Variants in CRB1 observed in about 807,000 individuals in gnomAD.
The protein encoded by CRB1 is protein crumbs homolog 1.
A neutral mutation model predicts 120.0 loss-of-function variants in CRB1; 83 were observed. That is an observed-to-expected ratio of 0.69 (90% CI 0.58 to 0.83). The LOEUF is 0.83. Among genes scored for constraint, CRB1 ranks in the 40% least tolerant of loss-of-function variants. The pLI is 0.00. For missense variants in CRB1, 1,699 were observed against 1,687.6 expected (o/e 1.01, Z -0.12); for synonymous variants, 625 against 612.5 (o/e 1.02, Z -0.30).
chr1:197,341,027 A>G (rs1473304956), intron 2 of CRB1, among the ~76,000 whole-genome samples: 4 of 152,226 alleles, frequency 2.6e-5, no homozygotes, highest in Admixed American at 2.0e-4. Flanking sequence ...TCCCCCTAAT[A>G]AAACCATCAG....
chr1:197,397,696 A>T (rs1281882021), intron 5 of CRB1, among the ~76,000 whole-genome samples: 1 of 152,204 alleles, frequency 6.6e-6, no homozygotes, highest in Non-Finnish European at 1.5e-5. Flanking sequence ...TCTAAGTGAA[A>T]GTAGCAAGGT....
chr1:197,244,067 T>A, the CRB1 span, among the ~76,000 whole-genome samples: 1 of 152,202 alleles, frequency 6.6e-6, no homozygotes, highest in Non-Finnish European at 1.5e-5. Context: ...CCTGTGTGTG[T>A]CTTTGCACAT....
chr1:197,212,412 T>C, the CRB1 span, among the ~76,000 whole-genome samples: 1 of 152,076 alleles, frequency 6.6e-6, no homozygotes, highest in Non-Finnish European at 1.5e-5. Flanking sequence ...TGTGTGTTTG[T>C]ATAATAAAAT....
the CRB1 span, among the ~76,000 whole-genome samples, chr1:197,239,202 G>A: frequency 6.6e-6 from 1 of 152,032 alleles, no homozygotes; most frequent in Non-Finnish European, 1.5e-5. Context: ...GTTAGGTGGA[G>A]TGTTCTATAG....
chr1:197,437,924 GC>G (rs1407526702), intron 9 of CRB1: 1 of 154,744 alleles, frequency 6.5e-6, no homozygotes, highest in East Asian at 1.9e-4. Flanking sequence ...TACTTGTTCC[GC>G]CTTTTATGAG....
intron 5 of CRB1, among the ~76,000 whole-genome samples, chr1:197,419,867 C>T (rs944551754): frequency 1.3e-5 from 2 of 150,332 alleles, no homozygotes; most frequent in East Asian, 2.0e-4. Context: ...CCAAGCTACT[C>T]GGGAGGCTGA....
At chr1:197,237,624 A>T in the CRB1 span, among the ~76,000 whole-genome samples, 1 of 152,160 alleles carries the variant, frequency 6.6e-6, no homozygotes, top group African/African-American at 2.4e-5. Context: ...GAATTGGTCC[A>T]TTTCATTTAA....
intron 4 of CRB1, among the ~76,000 whole-genome samples, chr1:197,355,416 G>A (rs1344173860): frequency 6.6e-6 from 1 of 152,240 alleles, no homozygotes; most frequent in Admixed American, 6.5e-5. Context: ...CCCTTGGGCG[G>A]TTGATGGGAC....
chr1:197,295,400 G>A (rs1328369972), intron 1 of CRB1, among the ~76,000 whole-genome samples: 1 of 151,986 alleles, frequency 6.6e-6, no homozygotes, highest in Non-Finnish European at 1.5e-5. Context: ...GGACAACTGA[G>A]AGCAATGTGG....
the CRB1 span, among the ~76,000 whole-genome samples, chr1:197,241,347 G>A: frequency 6.6e-6 from 1 of 152,160 alleles, no homozygotes; most frequent in African/African-American, 2.4e-5. Context: ...TTGCATTTCA[G>A]TCTTTAATCC....
chr1:197,209,034 C>T, the CRB1 span, among the ~76,000 whole-genome samples: 4 of 152,106 alleles, frequency 2.6e-5, no homozygotes, highest in Admixed American at 6.6e-5. Flanking sequence ...GACCTCACCC[C>T]GCTCCCACAC....
intron 1 of CRB1, among the ~76,000 whole-genome samples, chr1:197,272,685 A>G (rs563796636): frequency 6.6e-6 from 1 of 152,308 alleles, no homozygotes; most frequent in South Asian, 2.1e-4. Context: ...CAGAAAGGCT[A>G]CATATTGTAT....
the CRB1 span, among the ~76,000 whole-genome samples, chr1:197,247,044 A>C: frequency 6.6e-6 from 1 of 152,070 alleles, no homozygotes; most frequent in South Asian, 2.1e-4. Context: ...TCATAAGTAA[A>C]TCCTCATACT....
At chr1:197,317,110 C>A (rs954519316) in intron 1 of CRB1, among the ~76,000 whole-genome samples, 1 of 152,082 alleles carries the variant, frequency 6.6e-6, no homozygotes, top group Admixed American at 6.5e-5. Context: ...AGATTCAGTG[C>A]AATCTCTATC....
chr1:197,450,482 C>A (rs1665905464), intron 11 of CRB1, among the ~76,000 whole-genome samples: 1 of 152,006 alleles, frequency 6.6e-6, no homozygotes, highest in Admixed American at 6.6e-5. Flanking sequence ...ATCCTGTCAC[C>A]AGGTAGTGAG....
chr1:197,352,553 G>A (rs550995597), intron 4 of CRB1, among the ~76,000 whole-genome samples: 41 of 152,178 alleles, frequency 2.7e-4, no homozygotes, highest in Middle Eastern at 6.8e-3. Flanking sequence ...TAATGTATTT[G>A]AAGAACCTTA....
chr1:197,475,956 G>T (rs1321294321), intron 11 of CRB1, among the ~76,000 whole-genome samples: 1 of 151,890 alleles, frequency 6.6e-6, no homozygotes, highest in African/African-American at 2.4e-5. Flanking sequence ...ATCACCCAGG[G>T]TGGAGTGCAG....
At chr1:197,235,163 C>T in the CRB1 span, among the ~76,000 whole-genome samples, 15 of 152,104 alleles carry the variant, frequency 9.9e-5, no homozygotes, top group African/African-American at 3.6e-4. Flanking sequence ...CCTATTTGCC[C>T]TCCTGTCAGA....
chr1:197,319,432 CAAAAAAAA>C (rs10646084), intron 1 of CRB1, among the ~76,000 whole-genome samples: 8 of 27,096 alleles, frequency 3.0e-4, no homozygotes, highest in Admixed American at 1.3e-3. Context: ...GACTCCATCT[CAAAAAAAA>C]AAAAAAAAAA....
Sources: gnomAD v4.1 joint callset for allele counts (sites outside exome capture counted in the v4.1 genomes callset) on GRCh38, gnomAD v4.1.1 for gene constraint, MANE v1.5 for transcripts, NCBI Gene and HGNC (gene_info 2026-07-23, HGNC 2026-07-21) for gene names.